Variants in REPS1 observed in about 807,000 individuals in gnomAD.
The protein encoded by REPS1 is ralBP1-associated Eps domain-containing protein 1.
Under a neutral mutation model 100.9 loss-of-function variants are expected in REPS1, and 39 were observed. That is an observed-to-expected ratio of 0.39 (90% CI 0.30 to 0.50). The LOEUF (loss-of-function observed/expected upper bound fraction) is 0.50. REPS1 is among the 20% of genes least tolerant of loss of function. The probability of loss-of-function intolerance (pLI) is 0.86; values close to 1 mark genes in which losing one functional copy is unlikely to be tolerated. For synonymous variants in REPS1, 324 were observed against 340.3 expected (o/e 0.95, Z 0.53); for missense variants, 821 against 968.5 (o/e 0.85, Z 2.02).
intron 1 of REPS1, among the ~76,000 whole-genome samples, chr6:138,967,166 A>G (rs931301933): frequency 4.6e-5 from 7 of 152,282 alleles, no homozygotes; most frequent in Admixed American, 6.5e-5. Context: ...TAATACAACA[A>G]GAAGGCCCTA....
Position 138,926,385 on chromosome 6 carries a change from T to A in REPS1, c.1338+16A>T. 1 of 1,583,058 alleles carries A rather than the reference T, an allele frequency of 6.3e-7. No individual in the cohort carries two copies. Among genetic ancestry groups the A allele is most frequent in the Non-Finnish European group, 8.7e-7 (1 of 1,153,054 alleles). ...TAAAATTAATCTCAAACAAGCAAGC[T>A]AAGTGATTGACTTACAGGATCAGCT... On this transcript the variant is annotated intron_variant, in intron 10 of 19. Transcript: ENST00000450536.
At chr6:138,908,601 G>T in intron 18 of REPS1, 67 bp downstream of exon 18, 2 of 1,570,212 alleles carry the variant, frequency 1.3e-6, no homozygotes, top group South Asian at 1.1e-5. Flanking sequence ...GGGCCAGTTT[G>T]ATTACTTTTA....
chr6:138,954,523 TC>T (rs1783251200), intron 1 of REPS1, among the ~76,000 whole-genome samples: 1 of 137,958 alleles, frequency 7.2e-6, no homozygotes. Context: ...AAAAAAAGAA[TC>T]CCCCAAAAAA....
At chr6:138,969,506 C>T (rs1289031267) in intron 1 of REPS1, among the ~76,000 whole-genome samples, 3 of 145,980 alleles carry the variant, frequency 2.1e-5, no homozygotes, top group African/African-American at 7.7e-5. Context: ...CAAGGCTGGT[C>T]TCAAACTCCT....
intron 1 of REPS1, among the ~76,000 whole-genome samples, chr6:138,985,409 T>C (rs2128518793): frequency 6.6e-6 from 1 of 152,360 alleles, no homozygotes; most frequent in South Asian, 2.1e-4. Context: ...CTGCAATGCC[T>C]AGCCCAGTGT....
chr6:138,945,210 T>A lies in REPS1; in HGVS notation c.628+9A>T, dbSNP rs767213591. Reference sequence around the variant, plus strand: ...ACAATGACACTCTAATCAATCAATCTCTAAATACCTGATTGTGCTTCACCA... The same window carrying A: ...ACAATGACACTCTAATCAATCAATCACTAAATACCTGATTGTGCTTCACCA... On this transcript the variant is annotated intron_variant, in intron 4 of 19. Coordinates refer to ENST00000450536, the MANE Select transcript of REPS1 (RefSeq NM_001286611.2). 19 of 1,593,320 alleles carry A rather than the reference T, an allele frequency of 1.2e-5. No homozygotes were observed. Among genetic ancestry groups the A allele is most frequent in the Non-Finnish European group, 1.5e-5 (18 of 1,170,760 alleles).
intron 9 of REPS1, chr6:138,928,635 C>G (rs561817469): frequency 1.3e-5 from 2 of 152,042 alleles, no homozygotes; most frequent in African/African-American, 4.8e-5. Flanking sequence ...TGATCACATA[C>G]GATTTTATTT....
At chr6:138,974,918 A>G (rs1227931989) in intron 1 of REPS1, among the ~76,000 whole-genome samples, 1 of 151,620 alleles carries the variant, frequency 6.6e-6, no homozygotes, top group East Asian at 1.9e-4. Flanking sequence ...TGAGCCTGGG[A>G]GGTTGAGGCT....
At chr6:138,978,398 G>A (rs1046971639) in intron 1 of REPS1, among the ~76,000 whole-genome samples, 2 of 150,756 alleles carry the variant, frequency 1.3e-5, no homozygotes, top group African/African-American at 4.9e-5. Context: ...CTGCCTCCCA[G>A]GCTTAAACCA....
chr6:138,940,656 G>GA (rs1454525433), intron 8 of REPS1, among the ~76,000 whole-genome samples: 1 of 151,736 alleles, frequency 6.6e-6, no homozygotes, highest in Admixed American at 6.6e-5. Context: ...TGAGGCAGGA[G>GA]AATCGCTTGA....
chr6:138,906,125 T>C (rs1779634496), intron 19 of REPS1, among the ~76,000 whole-genome samples: 1 of 152,236 alleles, frequency 6.6e-6, no homozygotes, highest in African/African-American at 2.4e-5. Context: ...ATCTTCATGG[T>C]ATTATACTAC....
intron 8 of REPS1, among the ~76,000 whole-genome samples, chr6:138,936,239 C>G (rs1477027564): frequency 6.6e-6 from 1 of 152,010 alleles, no homozygotes; most frequent in African/African-American, 2.4e-5. Context: ...GTCACCCAGG[C>G]TAAAGTGCAG....
Position 138,905,150 on chromosome 6 carries a change from G to A in REPS1, c.2323-18C>T. On this transcript the variant is annotated intron_variant, in intron 19 of 19. Transcript: ENST00000450536. ...AGAACATCCTGAAAAAGATGCAAAG[G>A]CCAAGTTATGTTTCAAAGTATATAA... 6.9e-7 allele frequency: 1 copy of A among 1,457,096 alleles called. No homozygotes were observed. Among genetic ancestry groups the A allele is most frequent in the Non-Finnish European group, 9.6e-7 (1 of 1,037,452 alleles). The allele number at this position is 1,457,096 out of a possible 1,614,324, so 90.3% of individuals were successfully genotyped here.
intron 9 of REPS1, 44 bp from the exon 10 acceptor site, chr6:138,926,525 G>T: frequency 1.5e-6 from 2 of 1,346,574 alleles, no homozygotes; most frequent in Non-Finnish European, 2.1e-6. Context: ...TGAGAAAGAT[G>T]GAGTAAAAGA....
chr6:138,945,151 T>C, intron 4 of REPS1, 68 bp downstream of exon 4: 1 of 1,379,152 alleles, frequency 7.3e-7, no homozygotes, highest in South Asian at 1.5e-5. Context: ...GGAGGATCAT[T>C]TGAACCCAGG....
chr6:138,956,397 G>A (rs1423723430), intron 1 of REPS1, among the ~76,000 whole-genome samples: 1 of 151,998 alleles, frequency 6.6e-6, no homozygotes. Context: ...GGATGGGACT[G>A]GGACAGAGAA....
intron 15 of REPS1, 69 bp from the exon 16 acceptor site, chr6:138,913,019 T>C: frequency 7.4e-7 from 1 of 1,353,424 alleles, no homozygotes; most frequent in Non-Finnish European, 1.0e-6. Context: ...GTCATCTTCT[T>C]CTTCTTCGAA....
At chr6:138,918,368 G>C (rs1471910520) in intron 12 of REPS1, among the ~76,000 whole-genome samples, 2 of 152,178 alleles carry the variant, frequency 1.3e-5, no homozygotes, top group African/African-American at 2.4e-5. Flanking sequence ...ACATATCAGA[G>C]AGCTGAGCAT....
At position 138,987,777 on chromosome 6, in the gene REPS1, C is replaced by T. The variant is rs1023549881; in HGVS notation, c.-95G>A. 2.4e-5 allele frequency: 32 copies of T among 1,355,814 alleles called. No homozygotes were observed. The highest frequency in any genetic ancestry group is 3.1e-5 in the Non-Finnish European group (32 of 1,047,496). 84.0% of individuals were successfully genotyped at this position (1,355,814 alleles called of 1,614,324 possible). ...CGGCAGGGGCTGCGCGTGGCCCGGC[C>T]TCCTGCTAGCTTCCCGAAAACGCCG... On this transcript the variant is annotated 5_prime_UTR_variant, in exon 1 of 20. Transcript: ENST00000450536.
Sources: allele counts gnomAD v4.1 joint callset (sites outside exome capture counted in the v4.1 genomes callset), GRCh38; gene constraint gnomAD v4.1.1; transcripts MANE v1.5; gene names NCBI Gene and HGNC (gene_info 2026-07-23, HGNC 2026-07-21).